SCHIP1: variants seen among roughly 807,000 people sequenced by gnomAD.
SCHIP1 encodes schwannomin-interacting protein 1.
Under a neutral mutation model 29.7 loss-of-function variants are expected in SCHIP1, and 8 were observed. The ratio of observed to expected loss-of-function variants is 0.27; its 90% CI spans 0.16 to 0.49. The LOEUF is 0.49. Ranked by LOEUF, SCHIP1 falls within the 20% of genes least tolerant of loss-of-function variation. The probability of loss-of-function intolerance (pLI) is 0.99; values close to 1 mark genes in which losing one functional copy is unlikely to be tolerated. For synonymous variants in SCHIP1, 76 were observed against 94.9 expected (o/e 0.80, Z 1.16); for missense variants, 193 against 294.6 (o/e 0.66, Z 2.52).
At chr3:159,537,600 C>T in the SCHIP1 span, among the ~76,000 whole-genome samples, 5 of 152,174 alleles carry the variant, frequency 3.3e-5, no homozygotes, top group African/African-American at 2.4e-5. Flanking sequence ...CCTGAGAGAT[C>T]GGTCCTCTGA....
chr3:159,341,218 G>A, the SCHIP1 span, among the ~76,000 whole-genome samples: 1 of 150,884 alleles, frequency 6.6e-6, no homozygotes, highest in East Asian at 1.9e-4. Flanking sequence ...AGCTTTTGAA[G>A]TGCTGCCGCC....
At chr3:159,438,801 C>T in the SCHIP1 span, among the ~76,000 whole-genome samples, 3 of 152,100 alleles carry the variant, frequency 2.0e-5, no homozygotes, top group Non-Finnish European at 4.4e-5. Context: ...CCATCCATGT[C>T]CCTACAAAGG....
At chr3:159,764,707 C>T in the SCHIP1 span, 5 of 1,575,824 alleles carry the variant, frequency 3.2e-6, no homozygotes, top group Non-Finnish European at 4.3e-6. The surrounding 1 kb of genome is among the most constrained non-coding windows in gnomAD (Gnocchi z 6.1). Flanking sequence ...GCGCGACCAG[C>T]GAGGGTACCG....
At position 159,843,822 on chromosome 3, in the gene SCHIP1, CAAAAAAA is replaced by C. The variant is rs1161141544; in HGVS notation, c.30+3626_30+3632del. 9.1e-3 allele frequency among the ~76,000 whole-genome samples: 364 copies of C among 40,004 alleles called. 4 individuals carry two copies. The highest frequency in any genetic ancestry group is 0.026 in the Admixed American group (105 of 4,032). 26.2% of individuals were successfully genotyped at this position (40,004 alleles called of 152,430 possible). A position where few individuals can be genotyped will look rare whatever the true frequency, so the allele number is the denominator to read the frequency against. On this transcript the variant is annotated intron_variant, in intron 1 of 6. Transcript: ENST00000445224. ...TGGGCGACAGAGCAAGACTCTGTCT[CAAAAAAA>C]AAAAAAAAAAAAAAAAAGCATTGTA...
chr3:159,352,535 A>G, the SCHIP1 span, among the ~76,000 whole-genome samples: 1 of 152,168 alleles, frequency 6.6e-6, no homozygotes, highest in Admixed American at 6.5e-5. Context: ...AGCAACTTTA[A>G]TCGGATTTCA....
At chr3:159,850,181 T>C (rs1712396757) in intron 1 of SCHIP1, among the ~76,000 whole-genome samples, 1 of 152,178 alleles carries the variant, frequency 6.6e-6, no homozygotes, top group African/African-American at 2.4e-5. Context: ...GTGTTCCAGA[T>C]GTATGATCTG....
the SCHIP1 span, among the ~76,000 whole-genome samples, chr3:159,636,338 G>T: frequency 6.6e-6 from 1 of 152,114 alleles, no homozygotes; most frequent in African/African-American, 2.4e-5. Flanking sequence ...ATGAGCCACC[G>T]CACCCAGCCT....
At chr3:159,520,696 C>T in the SCHIP1 span, among the ~76,000 whole-genome samples, 1 of 152,330 alleles carries the variant, frequency 6.6e-6, no homozygotes, top group South Asian at 2.1e-4. Context: ...GTGCCACTGA[C>T]AACTTTCAAC....
chr3:159,611,297 C>T, the SCHIP1 span, among the ~76,000 whole-genome samples: 2 of 152,070 alleles, frequency 1.3e-5, no homozygotes, highest in Non-Finnish European at 2.9e-5. Context: ...TTGTAGGACA[C>T]ACTCATGGTG....
chr3:159,405,788 C>A, the SCHIP1 span, among the ~76,000 whole-genome samples: 1 of 150,626 alleles, frequency 6.6e-6, no homozygotes, highest in Non-Finnish European at 1.5e-5. Context: ...GAGGCTGAGC[C>A]AGGAGAATCA....
intron 3 of SCHIP1, chr3:159,886,953 C>G (rs1717021462): frequency 6.5e-6 from 1 of 153,690 alleles, no homozygotes; most frequent in African/African-American, 2.4e-5. Context: ...GAGACTCATT[C>G]ACTATCACAA....
At chr3:159,750,611 A>G in the SCHIP1 span, among the ~76,000 whole-genome samples, 2 of 152,212 alleles carry the variant, frequency 1.3e-5, no homozygotes, top group South Asian at 2.1e-4. Context: ...ATAGAGGAAT[A>G]AATTTCACCA....
the SCHIP1 span, among the ~76,000 whole-genome samples, chr3:159,459,779 T>G: frequency 2.1e-4 from 32 of 152,246 alleles, no homozygotes; most frequent in African/African-American, 7.5e-4. Context: ...ATGGGGTCAT[T>G]AGGGTGAGAC....
the SCHIP1 span, among the ~76,000 whole-genome samples, chr3:159,733,532 C>A: frequency 2.6e-5 from 4 of 152,132 alleles, no homozygotes; most frequent in African/African-American, 4.8e-5. Flanking sequence ...CCTCTTTCCT[C>A]CTAGTTGAGT....
the SCHIP1 span, among the ~76,000 whole-genome samples, chr3:159,351,987 T>C: frequency 6.6e-6 from 1 of 152,298 alleles, no homozygotes; most frequent in East Asian, 1.9e-4. Flanking sequence ...TTTAATGTAC[T>C]GGTATATTTA....
chr3:159,365,248 C>T, the SCHIP1 span, among the ~76,000 whole-genome samples: 1 of 152,142 alleles, frequency 6.6e-6, no homozygotes, highest in African/African-American at 2.4e-5. Flanking sequence ...GCTCCAGAGA[C>T]AGATATTCCA....
chr3:159,634,643 C>T, the SCHIP1 span, among the ~76,000 whole-genome samples: 1 of 152,144 alleles, frequency 6.6e-6, no homozygotes, highest in East Asian at 1.9e-4. Flanking sequence ...CAAAAGCAGC[C>T]CCTGCACTGT....
At chr3:159,375,990 A>ATG in the SCHIP1 span, among the ~76,000 whole-genome samples, 1 of 152,184 alleles carries the variant, frequency 6.6e-6, no homozygotes, top group Non-Finnish European at 1.5e-5. Context: ...AATTCTAGAA[A>ATG]TGATATTGAT....
intron 1 of SCHIP1, among the ~76,000 whole-genome samples, chr3:159,842,255 A>G (rs1188929116): frequency 1.3e-5 from 2 of 152,202 alleles, no homozygotes; most frequent in Non-Finnish European, 2.9e-5. Flanking sequence ...CTTTTCTCCC[A>G]TAAATGATGT....
Sources: gnomAD v4.1 joint callset for allele counts (sites outside exome capture counted in the v4.1 genomes callset) on GRCh38, gnomAD v4.1.1 for gene constraint, Gnocchi (gnomAD v3.1) non-coding constraint, MANE v1.5 for transcripts, NCBI Gene and HGNC (gene_info 2026-07-23, HGNC 2026-07-21) for gene names.